TJP3: variants seen among roughly 807,000 people sequenced by gnomAD.
The protein encoded by TJP3 is tight junction protein ZO-3.
In TJP3, 85 loss-of-function variants were observed where a neutral mutation model predicts 104.2. The ratio of observed to expected loss-of-function variants is 0.82; its 90% CI spans 0.68 to 0.98. The LOEUF is 0.98. TJP3 is among the 50% of genes least tolerant of loss of function. TJP3 has a pLI of 0.00. For missense variants in TJP3, 1,367 were observed against 1,322.8 expected (o/e 1.03, Z -0.52); for synonymous variants, 550 against 550.6 (o/e 1.00, Z 0.02).
intron 1 of TJP3, among the ~76,000 whole-genome samples, chr19:3,714,086 A>G (rs1440689646): frequency 6.7e-6 from 1 of 149,162 alleles, no homozygotes; most frequent in African/African-American, 2.5e-5. Context: ...TCTCTCTGTC[A>G]CCCAGGCTGG....
intron 10 of TJP3, 91 bp from the exon 11 acceptor site, chr19:3,736,074 T>A: frequency 6.8e-7 from 1 of 1,469,364 alleles, no homozygotes; most frequent in Non-Finnish European, 9.1e-7. Flanking sequence ...AACTGAGGCC[T>A]GGAGGGGGTG....
chr19:3,744,493 G>A (rs1285188242), intron 15 of TJP3, among the ~76,000 whole-genome samples: 1 of 151,750 alleles, frequency 6.6e-6, no homozygotes, highest in Non-Finnish European at 1.5e-5. Flanking sequence ...GTGAAACCCC[G>A]TCTCTACTAA....
intron 1 of TJP3, among the ~76,000 whole-genome samples, chr19:3,709,832 CCT>C (rs1416687573): frequency 1.3e-5 from 2 of 152,042 alleles, no homozygotes; most frequent in Non-Finnish European, 2.9e-5. Flanking sequence ...TCTCTCCGGG[CCT>C]CTGTTTCCTG....
intron 1 of TJP3, among the ~76,000 whole-genome samples, chr19:3,725,411 A>G (rs1265693791): frequency 2.6e-5 from 4 of 152,168 alleles, no homozygotes; most frequent in African/African-American, 9.7e-5. Context: ...AAGTAGGAAT[A>G]ATAACTGTGC....
intron 19 of TJP3, among the ~76,000 whole-genome samples, chr19:3,749,095 T>A (rs2036951923): frequency 6.6e-6 from 1 of 151,322 alleles, no homozygotes; most frequent in African/African-American, 2.4e-5. Context: ...TGGTCTCCGA[T>A]TCCTGACCTC....
At chr19:3,724,940 A>G (rs1241903409) in intron 1 of TJP3, among the ~76,000 whole-genome samples, 1 of 152,154 alleles carries the variant, frequency 6.6e-6, no homozygotes, top group Admixed American at 6.6e-5. Context: ...GTAAATAATC[A>G]GAAAGCCACT....
At chr19:3,736,413 C>T in intron 11 of TJP3, 92 bp downstream of exon 11, 1 of 1,320,074 alleles carries the variant, frequency 7.6e-7, no homozygotes, top group Non-Finnish European at 9.8e-7. Flanking sequence ...CCCTTGGGTC[C>T]ACCTGGGGAC....
chr19:3,743,867 T>C (rs898048942), intron 14 of TJP3, 72 bp from the exon 15 acceptor site: 3 of 1,411,564 alleles, frequency 2.1e-6, no homozygotes, highest in Non-Finnish European at 3.0e-6. Context: ...AGTGGAGGGG[T>C]TTGTACAACA....
chr19:3,736,350 C>A, intron 11 of TJP3, 29 bp downstream of exon 11: 1 of 1,506,870 alleles, frequency 6.6e-7, no homozygotes. Flanking sequence ...GCCAGCCCCA[C>A]TGATCATGGG....
intron 14 of TJP3, chr19:3,743,703 A>G: frequency 2.2e-6 from 1 of 457,192 alleles, no homozygotes; most frequent in Non-Finnish European, 3.9e-6. Context: ...CCTGCCCTTG[A>G]AGGCGGAACC....
chr19:3,710,172 TGGGG>T lies in TJP3; in HGVS notation c.-10+1614_-10+1617del, dbSNP rs1180137689. Among the ~76,000 whole-genome samples the T allele has an allele frequency of 1.2e-3, 149 of 120,732 alleles. 2 individuals carry two copies. The highest frequency in any genetic ancestry group is 4.6e-3 in the African/African-American group (146 of 31,686). The allele number at this position is 120,732 out of a possible 152,430, so 79.2% of individuals were successfully genotyped here. On this transcript the variant is annotated intron_variant, in intron 1 of 20. Coordinates refer to ENST00000541714, the MANE Select transcript of TJP3 (RefSeq NM_001267560.2). ...TCAAAAAAAAAAAAAAAAAAAGGGG[TGGGG>T]GGATATGGAGTCACCAAGGCACAGG... is the stretch of plus-strand genomic sequence containing the variant.
chr19:3,717,247 G>A (rs551431968), intron 1 of TJP3, among the ~76,000 whole-genome samples: 2 of 145,994 alleles, frequency 1.4e-5, no homozygotes, highest in Admixed American at 7.0e-5. Context: ...TTACAGGCAC[G>A]AGCCACCACG....
chr19:3,728,635 C>T lies in TJP3; in HGVS notation c.80C>T (p.Ser27Phe), dbSNP rs759147182. 5.6e-6 allele frequency: 9 copies of T among 1,613,690 alleles called. No individual in the cohort carries two copies. Among genetic ancestry groups the T allele is most frequent in the Non-Finnish European group, 7.6e-6 (9 of 1,179,970 alleles). Residue 27 changes from serine to phenylalanine, a missense_variant, in exon 3 of 21, where the codon TCT becomes TTT. Coordinates refer to ENST00000541714, the MANE Select transcript of TJP3 (RefSeq NM_001267560.2). ...CGCCGGGGCTTTGGCATTGCGATCT[C>T]TGGAGGCCGAGACCGGCCCGGTGGA... is the stretch of plus-strand genomic sequence containing the variant. ...DPRRGFGIAI[S>F]GGRDRPGGSM...
intron 1 of TJP3, among the ~76,000 whole-genome samples, chr19:3,726,973 G>T (rs1214510412): frequency 6.6e-6 from 1 of 151,810 alleles, no homozygotes; most frequent in Non-Finnish European, 1.5e-5. Context: ...TGTGGTCCCA[G>T]TTACTTGGGA....
Position 3,747,840 on chromosome 19 carries a change from T to C in TJP3, c.2369T>C (p.Leu790Pro), listed in dbSNP as rs1288436919. 6 of 1,610,006 alleles carry C rather than the reference T, an allele frequency of 3.7e-6. 1 individual carries two copies. In the South Asian group the frequency reaches 5.5e-5, roughly 15 times the overall value. Residue 790 changes from leucine to proline, a missense_variant, in exon 19 of 21, where the codon CTG becomes CCG. Transcript: ENST00000541714. Reference sequence around the variant, plus strand: ...AACCTAGACCTCCCTCACCACGGCCTGGCCGACAGCTCCGCTGACCTCAGC... The same window carrying C: ...AACCTAGACCTCCCTCACCACGGCCCGGCCGACAGCTCCGCTGACCTCAGC... ...EDNLDLPHHGLADSSADLSCD... is the reference protein window; with the variant it reads ...EDNLDLPHHGPADSSADLSCD...
At chr19:3,710,651 G>T (rs2036425337) in intron 1 of TJP3, among the ~76,000 whole-genome samples, 2 of 152,182 alleles carry the variant, frequency 1.3e-5, no homozygotes, top group Admixed American at 1.3e-4. Flanking sequence ...ATGGATTGAG[G>T]TTAGCGGAAG....
At chr19:3,743,856 A>C (rs1472727141) in intron 14 of TJP3, 83 bp from the exon 15 acceptor site, 66 of 1,248,530 alleles carry the variant, frequency 5.3e-5, no homozygotes, top group Non-Finnish European at 7.4e-5. Context: ...TACTATAAGG[A>C]AGTGGAGGGG....
rs1490132111 is a variant in TJP3 at position 3,739,016 on chromosome 19, C to G, written c.1513C>G (p.Leu505Val). The G allele has an allele frequency of 6.2e-7, 1 of 1,612,870 alleles. No individual in the cohort carries two copies. Residue 505 changes from leucine to valine, a missense_variant, in exon 13 of 21, where the codon CTG becomes GTG. Transcript: ENST00000541714. ...CACCCGTGGCGACGTCTTCCACGTGCTGGACACGCTGCACCCCGGCCCCGG... is the reference window on the plus strand; with the variant it reads ...CACCCGTGGCGACGTCTTCCACGTGGTGGACACGCTGCACCCCGGCCCCGG... The part of the protein sequence containing the change: ...GFTRGDVFHV[L>V]DTLHPGPGQS...
In TJP3 at chr19:3,746,341, A is replaced by T; in HGVS notation, c.2011-144A>T. ...CCAAGATGCTGCGACCTGGGCTGTT[A>T]CCACCCCCATCCCCAACTTGCTAGC... is the stretch of plus-strand genomic sequence containing the variant. On this transcript the variant is annotated intron_variant, in intron 16 of 20. Transcript: ENST00000541714. The surrounding 1 kb of genome is among the most constrained non-coding windows in gnomAD (Gnocchi z 4.1). 7 of 918,436 alleles carry T rather than the reference A, an allele frequency of 7.6e-6. 1 individual carries two copies. The South Asian group carries it at 1.2e-4, about 15-fold the overall frequency. The allele number at this position is 918,436 out of a possible 1,614,324, so 56.9% of individuals were successfully genotyped here.
Sources: allele counts gnomAD v4.1 joint callset (sites outside exome capture counted in the v4.1 genomes callset), GRCh38; gene constraint gnomAD v4.1.1; non-coding constraint Gnocchi (gnomAD v3.1); transcripts MANE v1.5; gene names NCBI Gene and HGNC (gene_info 2026-07-23, HGNC 2026-07-21).